Variants in EVL observed in about 807,000 individuals in gnomAD.
The protein encoded by EVL is Enah/Vasp-like.
Under a neutral mutation model 59.6 loss-of-function variants are expected in EVL, and 21 were observed. The observed-to-expected ratio is 0.35, with a 90% confidence interval of 0.25 to 0.51. The LOEUF is 0.51. Ranked by LOEUF, EVL falls within the 20% of genes least tolerant of loss-of-function variation. The pLI is 0.97. For synonymous variants in EVL, 198 were observed against 203.5 expected, an observed-to-expected ratio of 0.97 and a Z score of 0.23; for missense variants, 462 against 546.6, an observed-to-expected ratio of 0.85 and a Z score of 1.54.
chr14:99,971,723 C>T (rs1477591446), exon 1 of EVL: 2 of 148,170 alleles, frequency 1.3e-5, no homozygotes, highest in Non-Finnish European at 3.0e-5. Context: ...CGCCCGGACC[C>T]CAGCCGGCTC....
At chr14:100,138,003 C>A in intron 11 of EVL, 1 of 612,318 alleles carries the variant, frequency 1.6e-6, no homozygotes, top group Non-Finnish European at 2.9e-6. Flanking sequence ...AGAGAGAGAC[C>A]AAGGGCAAGG....
At chr14:100,045,926 G>T (rs1266585081) in intron 1 of EVL, among the ~76,000 whole-genome samples, 1 of 152,184 alleles carries the variant, frequency 6.6e-6, no homozygotes, top group Non-Finnish European at 1.5e-5. Flanking sequence ...TGCATCTCAT[G>T]AAAGCCAGGT....
chr14:100,120,908 G>A (rs1887654106), intron 3 of EVL, among the ~76,000 whole-genome samples: 1 of 152,144 alleles, frequency 6.6e-6, no homozygotes, highest in Non-Finnish European at 1.5e-5. Flanking sequence ...GTGTTTTGTG[G>A]GGCAGCCGAC....
chr14:100,070,896 A>G (rs913003224), intron 1 of EVL, among the ~76,000 whole-genome samples: 16 of 152,206 alleles, frequency 1.1e-4, no homozygotes, highest in African/African-American at 3.4e-4. Context: ...AATGTTTTTG[A>G]GGTTTGAGTA....
At chr14:100,043,108 T>C (rs1413796167) in intron 1 of EVL, among the ~76,000 whole-genome samples, 1 of 152,132 alleles carries the variant, frequency 6.6e-6, no homozygotes, top group Non-Finnish European at 1.5e-5. Flanking sequence ...TGGAACAACA[T>C]GGCATAAAAT....
rs1325472083 is a variant in EVL at position 100,123,693 on chromosome 14, GC to G, written c.422+93del. 4.4e-6 allele frequency: 6 copies of G among 1,350,470 alleles called. No individual in the cohort carries two copies. In the African/African-American group the frequency reaches 7.2e-5, roughly 16 times the overall value. 83.7% of individuals were successfully genotyped at this position (1,350,470 alleles called of 1,614,324 possible). ...TTCAGCGGGTGAGGATGCACCAGCA[GC>G]CAAGGCCAGGACTCCTAGAGGCATA... On this transcript the variant is annotated intron_variant, in intron 4 of 13. Transcript: ENST00000392920.
chr14:100,140,989 A>T, intron 11 of EVL, 191 bp from the exon 12 acceptor site: 2 of 543,832 alleles, frequency 3.7e-6, no homozygotes, highest in South Asian at 4.8e-5. Context: ...CACGGTATCC[A>T]TGGAGACCTC....
intron 3 of EVL, among the ~76,000 whole-genome samples, chr14:100,119,184 T>C (rs2140359785): frequency 6.6e-6 from 1 of 152,372 alleles, no homozygotes; most frequent in African/African-American, 2.4e-5. Flanking sequence ...GTCTGTGGCA[T>C]GATGGGTTCT....
chr14:100,089,944 C>T (rs2062528927), intron 2 of EVL, among the ~76,000 whole-genome samples: 1 of 151,836 alleles, frequency 6.6e-6, no homozygotes, highest in African/African-American at 2.4e-5. Flanking sequence ...AAAAAAAAAG[C>T]CCCAAAAAGT....
intron 1 of EVL, among the ~76,000 whole-genome samples, chr14:100,066,231 T>C (rs1246846531): frequency 6.6e-6 from 1 of 152,224 alleles, no homozygotes; most frequent in East Asian, 1.9e-4. Flanking sequence ...AAAGTAACAA[T>C]CCCTCACTTT....
intron 2 of EVL, among the ~76,000 whole-genome samples, chr14:100,089,098 C>T (rs2062509006): frequency 6.6e-6 from 1 of 152,170 alleles, no homozygotes; most frequent in Non-Finnish European, 1.5e-5. Context: ...GAAGTCATAG[C>T]ATCCCTACAT....
chr14:100,032,204 A>G (rs1284554284), intron 1 of EVL, among the ~76,000 whole-genome samples: 1 of 152,238 alleles, frequency 6.6e-6, no homozygotes, highest in Non-Finnish European at 1.5e-5. Flanking sequence ...CATGCAAATC[A>G]AATGTACCTT....
chr14:100,015,617 GTCA>G (rs958103062), intron 1 of EVL, among the ~76,000 whole-genome samples: 13 of 152,236 alleles, frequency 8.5e-5, no homozygotes, highest in African/African-American at 3.1e-4. Context: ...GACTGCCAGA[GTCA>G]TTTAGGCCAG....
chr14:100,099,219 C>A (rs1053970962), intron 3 of EVL, among the ~76,000 whole-genome samples: 30 of 151,520 alleles, frequency 2.0e-4, no homozygotes, highest in Non-Finnish European at 3.4e-4. Context: ...TGTACTGGGC[C>A]TGATATATTG....
intron 9 of EVL, 94 bp from the exon 10 acceptor site, chr14:100,137,484 G>A: frequency 7.4e-7 from 1 of 1,352,292 alleles, no homozygotes; most frequent in East Asian, 2.3e-5. Flanking sequence ...CCCTTGGCAT[G>A]GGTGAGGGCT....
At chr14:100,131,943 A>G (rs1489193064) in intron 7 of EVL, among the ~76,000 whole-genome samples, 1 of 152,196 alleles carries the variant, frequency 6.6e-6, no homozygotes, top group African/African-American at 2.4e-5. Context: ...CATCACAGAC[A>G]GGTGACAGCC....
At chr14:100,122,517 C>G (rs906657430) in intron 3 of EVL, among the ~76,000 whole-genome samples, 2 of 152,230 alleles carry the variant, frequency 1.3e-5, no homozygotes, top group African/African-American at 4.8e-5. Flanking sequence ...GGAAGAACCA[C>G]TAAGACCTTG....
At chr14:100,105,527 G>T (rs1270190970) in intron 3 of EVL, among the ~76,000 whole-genome samples, 1 of 151,580 alleles carries the variant, frequency 6.6e-6, no homozygotes, top group African/African-American at 2.4e-5. Flanking sequence ...GCCCTTCAGG[G>T]TGCCGGGTAA....
At chr14:100,041,493 A>G (rs1019649069) in intron 1 of EVL, among the ~76,000 whole-genome samples, 5 of 152,258 alleles carry the variant, frequency 3.3e-5, no homozygotes, top group African/African-American at 9.6e-5. Context: ...ACCTAGGTCT[A>G]TGCCGCTTGC....
Sources: gnomAD v4.1 joint callset for allele counts (sites outside exome capture counted in the v4.1 genomes callset) on GRCh38, gnomAD v4.1.1 for gene constraint, MANE v1.5 for transcripts, NCBI Gene and HGNC (gene_info 2026-07-23, HGNC 2026-07-21) for gene names.